Variants in PLXDC1 observed in about 807,000 individuals in gnomAD.
PLXDC1 encodes plexin domain containing 1.
PLXDC1 carries 39 observed loss-of-function variants against 61.3 expected under a neutral mutation model. The observed-to-expected ratio is 0.64, with a 90% CI of 0.49 to 0.83. The LOEUF (loss-of-function observed/expected upper bound fraction) is 0.83, where lower values mean the gene tolerates loss of function less well. Ranked by LOEUF, PLXDC1 falls within the 40% of genes least tolerant of loss-of-function variation. The pLI is 0.00. For missense variants in PLXDC1, 596 were observed against 666.5 expected (o/e 0.89, Z 1.17); for synonymous variants, 212 against 254.5 (o/e 0.83, Z 1.59).
intron 2 of PLXDC1, among the ~76,000 whole-genome samples, chr17:39,128,108 T>C (rs1397698420): frequency 1.1e-5 from 1 of 95,138 alleles, no homozygotes; most frequent in Non-Finnish European, 2.1e-5. Flanking sequence ...TATATATATA[T>C]ATATATGTAT....
At position 39,114,031 on chromosome 17, in the gene PLXDC1, CCTT is replaced by C. The variant is rs138130996; in HGVS notation, c.256-4643_256-4641del. Among the ~76,000 whole-genome samples the C allele has an allele frequency of 7.1e-3, 1,075 of 152,138 alleles. 12 individuals are homozygous for C. Among genetic ancestry groups the C allele is most frequent in the African/African-American group, 0.025 (1,018 of 41,488 alleles). On this transcript the variant is annotated intron_variant, in intron 2 of 13. Coordinates refer to ENST00000315392, the MANE Select transcript of PLXDC1 (RefSeq NM_020405.5). The stretch of plus-strand genomic sequence containing the variant: ...GACTGCTTGTCCCTCTTATCTTTGC[CCTT>C]CTTCTTCCTGCCTGGAATGCAGACA...
intron 1 of PLXDC1, among the ~76,000 whole-genome samples, chr17:39,140,451 G>A (rs1008776013): frequency 1.3e-4 from 20 of 152,268 alleles, no homozygotes; most frequent in African/African-American, 4.8e-4. Context: ...GACTACAGGC[G>A]CCCGCTACCG....
chr17:39,096,684 G>A (rs554868459), intron 7 of PLXDC1, among the ~76,000 whole-genome samples: 146 of 152,364 alleles, frequency 9.6e-4, no homozygotes, highest in African/African-American at 3.4e-3. Flanking sequence ...CAAGGGGCAG[G>A]CTACATTCTG....
At chr17:39,086,479 CA>C (rs1274260158) in intron 8 of PLXDC1, among the ~76,000 whole-genome samples, 1 of 152,194 alleles carries the variant, frequency 6.6e-6, no homozygotes, top group Non-Finnish European at 1.5e-5. Context: ...GAAGAGGAAG[CA>C]GGGGTAAAGA....
At chr17:39,069,496 T>G (rs1909027982) in intron 13 of PLXDC1, among the ~76,000 whole-genome samples, 1 of 152,148 alleles carries the variant, frequency 6.6e-6, no homozygotes, top group South Asian at 2.1e-4. Context: ...GCCTGGCATT[T>G]GGGCATGAGA....
chr17:39,106,624 C>T (rs182010870), intron 6 of PLXDC1, among the ~76,000 whole-genome samples: 3 of 150,992 alleles, frequency 2.0e-5, no homozygotes, highest in Non-Finnish European at 3.0e-5. Flanking sequence ...CATCATGCTG[C>T]CTTCTTTTTT....
At chr17:39,076,965 C>T (rs1441278005) in intron 11 of PLXDC1, among the ~76,000 whole-genome samples, 2 of 152,086 alleles carry the variant, frequency 1.3e-5, no homozygotes, top group East Asian at 1.9e-4. Context: ...GAACTCCTGA[C>T]CTCGTGATCC....
chr17:39,100,652 A>C (rs939734947), intron 7 of PLXDC1, among the ~76,000 whole-genome samples: 1 of 152,250 alleles, frequency 6.6e-6, no homozygotes, highest in African/African-American at 2.4e-5. Context: ...CTCTGAGATA[A>C]TATGTTGCAG....
chr17:39,152,768 G>T, upstream of PLXDC1: 65 of 728,182 alleles, frequency 8.9e-5, no homozygotes, highest in South Asian at 1.4e-4. Context: ...TGGCACTGAG[G>T]TTAAAAAAAA....
rs374691003 is a variant in PLXDC1, at chr17:39,108,074, C to G, written c.592+49G>C. ...CCCTGTGCTCCTCTAAAGGACTGGA[C>G]AAGGGATCCCTGGAGCTGGGTGACT... On this transcript the variant is annotated intron_variant, in intron 5 of 13. Transcript: ENST00000315392. 2.5e-5 allele frequency: 41 copies of G among 1,612,884 alleles called. 1 individual carries two copies. The Middle Eastern group carries it at 5.0e-4, about 20-fold the overall frequency.
chr17:39,065,314 C>T lies in PLXDC1; in HGVS notation c.*2526G>A, dbSNP rs565646917. The T allele has an allele frequency of 6.6e-6, 1 of 150,832 alleles. No individual in the cohort carries two copies. Among genetic ancestry groups the T allele is most frequent in the Admixed American group, 6.6e-5 (1 of 15,112 alleles). 9.3% of individuals were successfully genotyped at this position (150,832 alleles called of 1,614,324 possible). On this transcript the variant is annotated 3_prime_UTR_variant, in exon 14 of 14. Coordinates refer to ENST00000315392, the MANE Select transcript of PLXDC1 (RefSeq NM_020405.5). ...GCCAAAACACTTGGACAAAGTCTCC[C>T]AAAAAAATAGAACCAAGCATCTCAT... is the stretch of plus-strand genomic sequence containing the variant.
rs1909791017 is a variant in PLXDC1 at position 39,087,629 on chromosome 17, G to A, written c.885C>T (p.Ala295=). The stretch of plus-strand genomic sequence containing the variant: ...CACTCGGCAATGGGGTGAACTCCAC[G>A]GCCGACATGCTGGTGACCTTGCTGG... ...LDPSKVTSMS[A]VEFTPLPTCL... is the part of the protein sequence containing the mutation. The change falls in exon 8 of 14, where the codon GCC becomes GCT. Residue 295 remains alanine (A), a synonymous_variant. Coordinates refer to ENST00000315392, the MANE Select transcript of PLXDC1 (RefSeq NM_020405.5). 7 of 1,613,882 alleles carry A rather than the reference G, an allele frequency of 4.3e-6. No individual in the cohort carries two copies. The highest frequency in any genetic ancestry group is 1.7e-5 in the Admixed American group (1 of 60,020).
intron 2 of PLXDC1, among the ~76,000 whole-genome samples, chr17:39,110,909 CCCTT>C (rs140770309): frequency 0.045 from 6,811 of 152,266 alleles, 506 homozygotes; most frequent in African/African-American, 0.16. Flanking sequence ...CCACTGCCCT[CCCTT>C]CCTGCCTCCA....
chr17:39,079,687 G>C (rs1037614049), intron 9 of PLXDC1: 2 of 393,616 alleles, frequency 5.1e-6, no homozygotes, highest in African/African-American at 4.1e-5. Context: ...GGACAGCTCA[G>C]CTGGGCTGGA....
In PLXDC1 at chr17:39,065,414, T is replaced by C. The variant is rs1313832817; in HGVS notation, c.*2426A>G. ...TCCGTTCTTTTTTTTTTTTTTTTTT[T>C]CGGAGACAGGGTCTCACTCTGTCAC... On this transcript the variant is annotated 3_prime_UTR_variant, in exon 14 of 14. Coordinates refer to ENST00000315392, the MANE Select transcript of PLXDC1 (RefSeq NM_020405.5). The C allele has an allele frequency of 3.1e-5, 3 of 97,090 alleles. No homozygotes were observed. The highest frequency in any genetic ancestry group is 6.3e-5 in the Non-Finnish European group (3 of 47,640). The allele number at this position is 97,090 out of a possible 1,614,324, so 6.0% of individuals were successfully genotyped here. A position where few individuals can be genotyped will look rare whatever the true frequency, so the allele number is the denominator to read the frequency against.
intron 2 of PLXDC1, among the ~76,000 whole-genome samples, chr17:39,134,105 A>G (rs951569359): frequency 2.6e-5 from 4 of 151,788 alleles, no homozygotes; most frequent in Admixed American, 6.6e-5. Flanking sequence ...AAAATACAAA[A>G]TAGCCGGGCG....
intron 2 of PLXDC1, 45 bp from the exon 3 acceptor site, chr17:39,109,436 G>A (rs1369943267): frequency 1.9e-6 from 3 of 1,550,918 alleles, no homozygotes; most frequent in African/African-American, 1.4e-5. Context: ...TGAGTAGTCA[G>A]CATGCCAGGA....
intron 2 of PLXDC1, among the ~76,000 whole-genome samples, chr17:39,128,107 A>ATATATATACATATATATG (rs1291982693): frequency 9.9e-6 from 1 of 100,626 alleles, no homozygotes; most frequent in African/African-American, 4.3e-5. Context: ...GTATATATAT[A>ATATATATACATATATATG]TATATATGTA....
chr17:39,077,934 T>C lies in PLXDC1; in HGVS notation c.1165A>G (p.Ile389Val). The C allele has an allele frequency of 6.2e-7, 1 of 1,614,062 alleles. No homozygotes were observed. The highest frequency in any genetic ancestry group is 2.2e-5 in the East Asian group (1 of 44,874). ...TTACCTTCTGTGGTGAGGCTGTCGA[T>C]GAAGAGGGAGGAGGAGGTAGTGGTG... ...DLTTTSSSLFIDSLTTEDDTK... is the reference protein window; with the variant it reads ...DLTTTSSSLFVDSLTTEDDTK... The change falls in exon 11 of 14, where the codon ATC becomes GTC. Residue 389 changes from isoleucine to valine, a missense_variant. By Grantham distance (29) the Ile-to-Val change is conservative (BLOSUM62 3). Transcript: ENST00000315392.
Sources: gnomAD v4.1 joint callset for allele counts (sites outside exome capture counted in the v4.1 genomes callset) on GRCh38, gnomAD v4.1.1 for gene constraint, MANE v1.5 for transcripts, NCBI Gene and HGNC (gene_info 2026-07-23, HGNC 2026-07-21) for gene names.